The following DPP6 variants were observed in gnomAD, a reference collection of about 807,000 sequenced individuals.
The protein encoded by DPP6 is dipeptidyl peptidase like 6.
In DPP6, 69 loss-of-function variants were observed where a neutral mutation model predicts 122.6. The ratio of observed to expected loss-of-function variants is 0.56; its 90% CI spans 0.46 to 0.69. The LOEUF is 0.69. Among genes scored for constraint, DPP6 ranks in the 30% least tolerant of loss-of-function variants. The pLI, the probability that DPP6 is intolerant of heterozygous loss-of-function variation, is 0.00. For synonymous variants in DPP6, 418 were observed against 433.1 expected, an observed-to-expected ratio of 0.97 and a Z score of 0.43; for missense variants, 928 against 1,116.9, an observed-to-expected ratio of 0.83 and a Z score of 2.41.
At chr7:153,935,834 C>A (rs1801410999) in intron 1 of DPP6, among the ~76,000 whole-genome samples, 1 of 152,172 alleles carries the variant, frequency 6.6e-6, no homozygotes, top group South Asian at 2.1e-4. Context: ...GGCTCCCCAG[C>A]CCACACCTGT....
rs887343611 is a variant in DPP6 at position 154,057,878 on chromosome 7, G to C, written c.243+4815G>C. Reference sequence around the variant, plus strand: ...AAACTGTGGGGCCCTGGCTGAGGCCGGTAGCCTACGTCTCTAAACAACTAG... The same window carrying C: ...AAACTGTGGGGCCCTGGCTGAGGCCCGTAGCCTACGTCTCTAAACAACTAG... On this transcript the variant is annotated intron_variant, in intron 1 of 25. Coordinates refer to ENST00000377770, the MANE Select transcript of DPP6 (RefSeq NM_130797.4). 2.7e-3 allele frequency: 401 copies of C among 150,572 alleles called. 9 individuals carry two copies. Among genetic ancestry groups the C allele is most frequent in the African/African-American group, 8.3e-3 (333 of 39,970 alleles). The allele number at this position is 150,572 out of a possible 1,614,324, so 9.3% of individuals were successfully genotyped here.
At chr7:154,380,404 TGTA>T (rs1813489307) in intron 1 of DPP6, among the ~76,000 whole-genome samples, 1 of 152,118 alleles carries the variant, frequency 6.6e-6, no homozygotes, top group Non-Finnish European at 1.5e-5. Context: ...GAGGCATAAT[TGTA>T]GTAAAATGCT....
intron 17 of DPP6, among the ~76,000 whole-genome samples, chr7:154,856,059 C>G (rs1802805161): frequency 6.6e-6 from 1 of 152,132 alleles, no homozygotes; most frequent in Admixed American, 6.5e-5. Flanking sequence ...ACACAGGACT[C>G]TATGCACTAT....
chr7:153,835,404 A>G, the DPP6 span, among the ~76,000 whole-genome samples: 3 of 152,172 alleles, frequency 2.0e-5, no homozygotes, highest in Non-Finnish European at 4.4e-5. Context: ...GTGGAAAAAA[A>G]AAAAAGGATC....
At chr7:154,242,088 G>C (rs772888994) in intron 1 of DPP6, among the ~76,000 whole-genome samples, 2 of 152,194 alleles carry the variant, frequency 1.3e-5, no homozygotes, top group Non-Finnish European at 2.9e-5. Flanking sequence ...AGAAAGTGCT[G>C]TCAGTTCCCT....
intron 16 of DPP6, among the ~76,000 whole-genome samples, chr7:154,825,286 C>T (rs969812550): frequency 6.6e-6 from 1 of 152,220 alleles, no homozygotes; most frequent in Non-Finnish European, 1.5e-5. Flanking sequence ...AACCTGGACA[C>T]TCAGAAATCC....
chr7:154,344,153 C>T (rs2879060), intron 1 of DPP6, among the ~76,000 whole-genome samples: 11,096 of 152,188 alleles, frequency 0.073, 1,257 homozygotes, highest in African/African-American at 0.24. Flanking sequence ...TGCAGTCATT[C>T]CTGTTAAGGT....
chr7:153,788,117 T>G, the DPP6 span, among the ~76,000 whole-genome samples: 6,157 of 127,442 alleles, frequency 0.048, no homozygotes, highest in African/African-American at 0.15. Flanking sequence ...TAGGTTATTT[T>G]GTAGACATTA....
the DPP6 span, among the ~76,000 whole-genome samples, chr7:153,780,460 C>T: frequency 6.6e-6 from 1 of 152,068 alleles, no homozygotes; most frequent in Admixed American, 6.6e-5. Context: ...ATGAAAGCAG[C>T]ATAAAGTTGG....
upstream of DPP6, among the ~76,000 whole-genome samples, chr7:153,884,541 G>A (rs1215729072): frequency 3.3e-5 from 5 of 152,114 alleles, no homozygotes; most frequent in African/African-American, 4.8e-5. Context: ...TATACCCAAA[G>A]GAATATAAAT....
chr7:154,595,502 T>C (rs1001474567), intron 5 of DPP6, among the ~76,000 whole-genome samples: 1 of 152,232 alleles, frequency 6.6e-6, no homozygotes, highest in African/African-American at 2.4e-5. Context: ...TTTGCATCAA[T>C]GTGAGTCTTC....
intron 20 of DPP6, among the ~76,000 whole-genome samples, chr7:154,878,036 A>C (rs1021540475): frequency 1.1e-4 from 17 of 152,256 alleles, no homozygotes; most frequent in African/African-American, 3.8e-4. Flanking sequence ...CTGGCTTCCC[A>C]GACCTCCTCC....
intron 1 of DPP6, among the ~76,000 whole-genome samples, chr7:153,933,703 TCTCACA>T (rs1057100530): frequency 4.6e-4 from 63 of 135,988 alleles, no homozygotes; most frequent in African/African-American, 1.7e-3. Flanking sequence ...TCTCTCTCTC[TCTCACA>T]CACACACACC....
chr7:153,909,293 A>G (rs1435869728), intron 1 of DPP6, among the ~76,000 whole-genome samples: 16 of 152,116 alleles, frequency 1.1e-4, no homozygotes, highest in Admixed American at 9.8e-4. Context: ...CCAGTGAGGC[A>G]CAGTTGTTCA....
intron 1 of DPP6, among the ~76,000 whole-genome samples, chr7:154,191,186 G>C (rs1173939582): frequency 6.6e-6 from 1 of 152,172 alleles, no homozygotes; most frequent in African/African-American, 2.4e-5. Context: ...CCTGAGCCAA[G>C]TCACTGACTG....
intron 1 of DPP6, among the ~76,000 whole-genome samples, chr7:154,122,367 A>G (rs1807538854): frequency 6.6e-6 from 1 of 152,192 alleles, no homozygotes; most frequent in Non-Finnish European, 1.5e-5. Flanking sequence ...AAAGAGAACC[A>G]CATATAGTCA....
chr7:154,052,653 C>A lies in DPP6; in HGVS notation c.-168C>A. The A allele has an allele frequency of 1.6e-6, 2 of 1,258,222 alleles. No individual in the cohort carries two copies. The highest frequency in any genetic ancestry group is 1.7e-5 in the South Asian group (1 of 58,180). 77.9% of individuals were successfully genotyped at this position (1,258,222 alleles called of 1,614,324 possible). On this transcript the variant is annotated 5_prime_UTR_variant, in exon 1 of 26. Coordinates refer to ENST00000377770, the MANE Select transcript of DPP6 (RefSeq NM_130797.4). The surrounding 1 kb of genome is among the most constrained non-coding windows in gnomAD (Gnocchi z 4.8). ...CGCCAGCGGAGACTCGCGAGTGGCGCGCGGGAGGAGCGGCCGCCGGCGCTG... is the reference window on the plus strand; with the variant it reads ...CGCCAGCGGAGACTCGCGAGTGGCGAGCGGGAGGAGCGGCCGCCGGCGCTG...
At chr7:154,725,173 A>G (rs181502244) in intron 7 of DPP6, among the ~76,000 whole-genome samples, 148 of 152,336 alleles carry the variant, frequency 9.7e-4, no homozygotes, top group African/African-American at 3.4e-3. Flanking sequence ...TGCCCACTGC[A>G]TAATTGTTAA....
At chr7:154,231,584 T>C (rs541332965) in intron 1 of DPP6, among the ~76,000 whole-genome samples, 24 of 152,194 alleles carry the variant, frequency 1.6e-4, no homozygotes, top group African/African-American at 5.1e-4. Context: ...ATAATACTGG[T>C]GCAAGGAGTG....
Sources: gnomAD v4.1 joint callset for allele counts (sites outside exome capture counted in the v4.1 genomes callset) on GRCh38, gnomAD v4.1.1 for gene constraint, Gnocchi (gnomAD v3.1) non-coding constraint, MANE v1.5 for transcripts, NCBI Gene and HGNC (gene_info 2026-07-23, HGNC 2026-07-21) for gene names.